The following PTPRT variants were observed in gnomAD, a reference collection of about 807,000 sequenced individuals.
The protein encoded by PTPRT is protein tyrosine phosphatase receptor type T, also known as receptor-type tyrosine-protein phosphatase T.
In PTPRT, 56 loss-of-function variants were observed where a neutral mutation model predicts 176.8. The observed-to-expected ratio is 0.32, with a 90% CI of 0.26 to 0.40. PTPRT has a LOEUF of 0.40. Ranked by LOEUF, PTPRT falls within the 10% of genes least tolerant of loss-of-function variation. PTPRT has a pLI of 1.00. For missense variants in PTPRT, 1,540 were observed against 1,908.2 expected (o/e 0.81, Z 3.60); for synonymous variants, 783 against 739.0 (o/e 1.06, Z -0.96).
intron 6 of PTPRT, among the ~76,000 whole-genome samples, chr20:42,679,843 G>T (rs2075572772): frequency 6.6e-6 from 1 of 152,062 alleles, no homozygotes; most frequent in Non-Finnish European, 1.5e-5. Flanking sequence ...TTTTGCTATG[G>T]TAAATAATGC....
chr20:42,798,684 T>C (rs1462862982), intron 2 of PTPRT, among the ~76,000 whole-genome samples: 1 of 152,180 alleles, frequency 6.6e-6, no homozygotes, highest in Non-Finnish European at 1.5e-5. Flanking sequence ...AATTGAATAT[T>C]GTGAACATTT....
At chr20:43,064,484 C>A (rs1415111559) in intron 1 of PTPRT, among the ~76,000 whole-genome samples, 5 of 152,176 alleles carry the variant, frequency 3.3e-5, no homozygotes, top group Non-Finnish European at 5.9e-5. Context: ...CTCAAAAACT[C>A]CATTAAATGA....
intron 9 of PTPRT, among the ~76,000 whole-genome samples, chr20:42,385,097 C>T (rs1049544539): frequency 3.3e-5 from 5 of 152,060 alleles, no homozygotes; most frequent in African/African-American, 9.7e-5. Flanking sequence ...GATGTGATTC[C>T]AATGGCCTAT....
At chr20:42,804,040 G>A (rs1208981192) in intron 2 of PTPRT, among the ~76,000 whole-genome samples, 1 of 152,110 alleles carries the variant, frequency 6.6e-6, no homozygotes, top group Non-Finnish European at 1.5e-5. Flanking sequence ...AGATAATGAC[G>A]ACTCACAGAA....
chr20:42,335,910 T>C (rs939272336), intron 11 of PTPRT, among the ~76,000 whole-genome samples: 1 of 152,186 alleles, frequency 6.6e-6, no homozygotes, highest in Non-Finnish European at 1.5e-5. Context: ...GGCTAGACCA[T>C]TATGTTCAAA....
At chr20:42,548,948 A>G (rs979435182) in intron 7 of PTPRT, among the ~76,000 whole-genome samples, 1 of 152,182 alleles carries the variant, frequency 6.6e-6, no homozygotes, top group Non-Finnish European at 1.5e-5. Context: ...GAAATAAGAA[A>G]GCTAGGTAGT....
At chr20:42,176,854 CA>C (rs1329041540) in intron 16 of PTPRT, among the ~76,000 whole-genome samples, 1 of 152,162 alleles carries the variant, frequency 6.6e-6, no homozygotes, top group Non-Finnish European at 1.5e-5. Context: ...AAATGTGCAA[CA>C]GATGTTTGAA....
At chr20:42,902,393 C>T (rs533925416) in intron 1 of PTPRT, among the ~76,000 whole-genome samples, 46 of 152,230 alleles carry the variant, frequency 3.0e-4, no homozygotes, top group Middle Eastern at 6.8e-3. Flanking sequence ...GACCCCACTC[C>T]ACATCTCAGC....
At chr20:42,706,873 G>A (rs3091532) in intron 6 of PTPRT, among the ~76,000 whole-genome samples, 3,663 of 152,294 alleles carry the variant, frequency 0.024, 179 homozygotes, top group African/African-American at 0.084. Flanking sequence ...GATGTAATCT[G>A]TTCAAGATGA....
At chr20:42,090,500 AC>A (rs1190921070) in intron 27 of PTPRT, among the ~76,000 whole-genome samples, 1 of 151,988 alleles carries the variant, frequency 6.6e-6, no homozygotes, top group Non-Finnish European at 1.5e-5. Flanking sequence ...GTGTCACATA[AC>A]CCTGCTCCTA....
chr20:43,118,444 A>AT (rs2013136844), intron 1 of PTPRT, among the ~76,000 whole-genome samples: 1 of 151,970 alleles, frequency 6.6e-6, no homozygotes, highest in Non-Finnish European at 1.5e-5. Flanking sequence ...ATATATTCCC[A>AT]TTTTTTGTTT....
At chr20:42,668,936 T>TC (rs2075367288) in intron 7 of PTPRT, among the ~76,000 whole-genome samples, 1 of 145,762 alleles carries the variant, frequency 6.9e-6, no homozygotes, top group Non-Finnish European at 1.5e-5. Flanking sequence ...GGTCTCGATC[T>TC]CCTGACCTCA....
chr20:43,115,647 G>A (rs1568793943), intron 1 of PTPRT, among the ~76,000 whole-genome samples: 1 of 152,154 alleles, frequency 6.6e-6, no homozygotes, highest in African/African-American at 2.4e-5. Flanking sequence ...ACACAGAACA[G>A]CGCCCACAAC....
At chr20:42,526,949 C>CTTT (rs1568950900) in intron 7 of PTPRT, among the ~76,000 whole-genome samples, 1 of 113,588 alleles carries the variant, frequency 8.8e-6, no homozygotes, top group African/African-American at 3.2e-5. Flanking sequence ...CTTCTTGGTT[C>CTTT]TTTTTTCTTT....
intron 1 of PTPRT, among the ~76,000 whole-genome samples, chr20:43,135,275 A>G (rs908869242): frequency 3.3e-5 from 5 of 152,212 alleles, no homozygotes; most frequent in East Asian, 1.9e-4. Context: ...GTGTTTTAAT[A>G]TATGTTTGAA....
At chr20:42,266,030 A>G (rs2056833639) in intron 13 of PTPRT, among the ~76,000 whole-genome samples, 1 of 152,208 alleles carries the variant, frequency 6.6e-6, no homozygotes, top group South Asian at 2.1e-4. Context: ...TAAAGGAATA[A>G]TAAGGGAAGC....
intron 9 of PTPRT, among the ~76,000 whole-genome samples, chr20:42,401,369 A>T (rs1294356895): frequency 6.6e-6 from 1 of 152,078 alleles, no homozygotes; most frequent in African/African-American, 2.4e-5. Flanking sequence ...GGGGTTACGG[A>T]GTTAGGTAGT....
chr20:42,916,534 C>T (rs1475987363), intron 1 of PTPRT, among the ~76,000 whole-genome samples: 4 of 152,206 alleles, frequency 2.6e-5, no homozygotes, highest in Non-Finnish European at 5.9e-5. Flanking sequence ...CCTGAGGAAT[C>T]GCCACACTGA....
intron 7 of PTPRT, among the ~76,000 whole-genome samples, chr20:42,523,703 G>C (rs1402381402): frequency 6.6e-6 from 1 of 152,034 alleles, no homozygotes; most frequent in African/African-American, 2.4e-5. Flanking sequence ...TTTGATATTA[G>C]TTTTTCAACT....
Sources: gnomAD v4.1 joint callset for allele counts (sites outside exome capture counted in the v4.1 genomes callset) on GRCh38, gnomAD v4.1.1 for gene constraint, MANE v1.5 for transcripts, NCBI Gene and HGNC (gene_info 2026-07-23, HGNC 2026-07-21) for gene names.